Variants in TPRG1 observed in about 807,000 individuals in gnomAD.
TPRG1 encodes tumor protein p63-regulated gene 1 protein.
A neutral mutation model predicts 29.3 loss-of-function variants in TPRG1; 29 were observed. That is an observed-to-expected ratio of 0.99 (90% confidence interval 0.74 to 1.35). TPRG1 has a LOEUF of 1.35. TPRG1 is among the 40% of genes most tolerant of loss of function. TPRG1 has a pLI of 0.00. For synonymous variants in TPRG1, 130 were observed against 116.8 expected, an observed-to-expected ratio of 1.11 and a Z score of -0.73; for missense variants, 327 against 335.0, an observed-to-expected ratio of 0.98 and a Z score of 0.19.
chr3:189,157,927 T>C (rs1259649728), intron 5 of TPRG1, among the ~76,000 whole-genome samples: 3 of 152,216 alleles, frequency 2.0e-5, no homozygotes, highest in Non-Finnish European at 4.4e-5. Flanking sequence ...ACAATGTATG[T>C]TGTAGAGACT....
At chr3:189,079,089 G>A (rs1717414254) in intron 4 of TPRG1, among the ~76,000 whole-genome samples, 1 of 152,146 alleles carries the variant, frequency 6.6e-6, no homozygotes, top group Non-Finnish European at 1.5e-5. Flanking sequence ...TCCAATTATG[G>A]CAGAAAAGGA....
chr3:189,063,040 TG>T, intron 4 of TPRG1, among the ~76,000 whole-genome samples: 1 of 152,142 alleles, frequency 6.6e-6, no homozygotes, highest in East Asian at 1.9e-4. Flanking sequence ...TTCAATGATA[TG>T]GGTGGATTGA....
At chr3:189,209,483 C>A (rs1734926356) in intron 2 of TPRG1, among the ~76,000 whole-genome samples, 1 of 152,084 alleles carries the variant, frequency 6.6e-6, no homozygotes, top group Non-Finnish European at 1.5e-5. Context: ...TGGTGTTGTA[C>A]CATGTAGCTT....
intron 4 of TPRG1, among the ~76,000 whole-genome samples, chr3:189,307,555 G>A (rs1378393312): frequency 6.6e-6 from 1 of 152,138 alleles, no homozygotes; most frequent in African/African-American, 2.4e-5. Context: ...TTTTAACTTT[G>A]TGTCTATTGG....
intron 1 of TPRG1, among the ~76,000 whole-genome samples, chr3:189,119,506 TG>T (rs1372064519): frequency 6.6e-6 from 1 of 152,192 alleles, no homozygotes; most frequent in East Asian, 1.9e-4. Context: ...CAAATTGATA[TG>T]GTTTGGCTCT....
At chr3:189,203,088 A>G (rs917040111) in intron 1 of TPRG1, among the ~76,000 whole-genome samples, 3 of 152,224 alleles carry the variant, frequency 2.0e-5, no homozygotes, top group African/African-American at 7.2e-5. Context: ...AAGTTGAACT[A>G]AACAATAACT....
intron 2 of TPRG1, among the ~76,000 whole-genome samples, chr3:189,213,513 C>T (rs1244860537): frequency 6.6e-6 from 1 of 152,128 alleles, no homozygotes; most frequent in Non-Finnish European, 1.5e-5. Context: ...AAGATAAGAA[C>T]AGCACAGTGA....
intron 1 of TPRG1, among the ~76,000 whole-genome samples, chr3:189,110,033 G>A (rs1720317016): frequency 1.3e-5 from 2 of 152,142 alleles, no homozygotes; most frequent in African/African-American, 4.8e-5. Context: ...ATGTACCACA[G>A]TTGTGTCCAG....
chr3:189,081,797 G>A (rs528442403), intron 4 of TPRG1, among the ~76,000 whole-genome samples: 5 of 152,004 alleles, frequency 3.3e-5, no homozygotes, highest in Non-Finnish European at 7.4e-5. Flanking sequence ...ATAGCATGTC[G>A]TAGTACCTCT....
chr3:189,219,376 A>G (rs1002425714), intron 3 of TPRG1, among the ~76,000 whole-genome samples: 4 of 152,174 alleles, frequency 2.6e-5, no homozygotes, highest in African/African-American at 7.2e-5. Context: ...AGCTGACACC[A>G]TTAAGAGAAT....
chr3:189,191,847 T>G (rs1382945070), intron 1 of TPRG1, among the ~76,000 whole-genome samples: 1 of 152,208 alleles, frequency 6.6e-6, no homozygotes, highest in African/African-American at 2.4e-5. Context: ...TATACCTAGA[T>G]CCTCTTTCAG....
intron 1 of TPRG1, among the ~76,000 whole-genome samples, chr3:189,103,693 A>G (rs1719475663): frequency 6.6e-6 from 1 of 152,200 alleles, no homozygotes; most frequent in Non-Finnish European, 1.5e-5. Flanking sequence ...GGATACTGGG[A>G]TATAATCAGG....
intron 3 of TPRG1, among the ~76,000 whole-genome samples, chr3:189,223,869 A>G (rs1560573831): frequency 6.6e-6 from 1 of 152,162 alleles, no homozygotes; most frequent in Admixed American, 6.5e-5. Flanking sequence ...TATTATTATT[A>G]GTAGTAATAT....
At chr3:189,125,724 C>T (rs1361857144) in intron 1 of TPRG1, among the ~76,000 whole-genome samples, 1 of 151,926 alleles carries the variant, frequency 6.6e-6, no homozygotes, top group East Asian at 1.9e-4. Flanking sequence ...AAAGACCATC[C>T]TCCTCCTTTG....
upstream of TPRG1, among the ~76,000 whole-genome samples, chr3:189,167,188 C>T (rs1034329198): frequency 1.3e-5 from 2 of 152,194 alleles, no homozygotes; most frequent in Admixed American, 1.3e-4. Context: ...ACCCACACTT[C>T]CTCCTGAGCC....
intron 4 of TPRG1, among the ~76,000 whole-genome samples, chr3:189,063,923 A>G (rs989010627): frequency 2.0e-5 from 3 of 152,180 alleles, no homozygotes; most frequent in Non-Finnish European, 2.9e-5. Context: ...AAGGGTCCCA[A>G]GAAAAATCAG....
At chr3:189,173,583 T>G (rs562579876) in intron 1 of TPRG1, among the ~76,000 whole-genome samples, 2 of 152,164 alleles carry the variant, frequency 1.3e-5, no homozygotes, top group South Asian at 4.1e-4. Context: ...GGTGTCTTTC[T>G]GGCTGTAAGG....
At chr3:189,170,004 G>A (rs576924741), upstream of TPRG1, among the ~76,000 whole-genome samples, 21 of 152,292 alleles carry the variant, frequency 1.4e-4, no homozygotes, top group African/African-American at 4.6e-4. Context: ...GAAACCTAAC[G>A]ATAATTAGAT....
chr3:189,217,915 G>T, intron 3 of TPRG1: 1 of 985,198 alleles, frequency 1.0e-6, no homozygotes, highest in Non-Finnish European at 1.2e-6. Flanking sequence ...ACAACAATGA[G>T]AACACAAAAA....
Sources: gnomAD v4.1 joint callset for allele counts (sites outside exome capture counted in the v4.1 genomes callset) on GRCh38, gnomAD v4.1.1 for gene constraint, MANE v1.5 for transcripts, NCBI Gene and HGNC (gene_info 2026-07-23, HGNC 2026-07-21) for gene names.